The following CAMTA1 variants were observed in gnomAD, a reference collection of about 807,000 sequenced individuals.
The protein encoded by CAMTA1 is calmodulin-binding transcription activator 1.
CAMTA1 carries 27 observed loss-of-function variants against 170.9 expected under a neutral mutation model. That is an observed-to-expected ratio of 0.16 (90% CI 0.12 to 0.22). CAMTA1 has a LOEUF of 0.22. CAMTA1 is among the 10% of genes least tolerant of loss of function. CAMTA1 has a pLI of 1.00. For synonymous variants in CAMTA1, 833 were observed against 891.5 expected, an observed-to-expected ratio of 0.93 and a Z score of 1.17; for missense variants, 1,619 against 2,217.2, an observed-to-expected ratio of 0.73 and a Z score of 5.42.
At chr1:7,147,307 C>T (rs560989530) in intron 4 of CAMTA1, among the ~76,000 whole-genome samples, 2 of 149,388 alleles carry the variant, frequency 1.3e-5, no homozygotes, top group Admixed American at 6.6e-5. Flanking sequence ...ACCTATAGTC[C>T]CAGCTACTTG....
chr1:7,395,650 A>G lies in CAMTA1; in HGVS notation c.439-72180A>G, dbSNP rs181311652. On this transcript the variant is annotated intron_variant, in intron 5 of 22. Transcript: ENST00000303635. ...TTGATACAGGTTGCATCAAACCTAT[A>G]GATTGATTTGGGTAATGTGAACATT... Among the ~76,000 whole-genome samples, 1,418 of 152,348 alleles carry G rather than the reference A, an allele frequency of 9.3e-3. 26 individuals carry two copies. Among genetic ancestry groups the G allele is most frequent in the African/African-American group, 0.031 (1,283 of 41,570 alleles).
At chr1:7,424,184 G>C (rs2091747555) in intron 5 of CAMTA1, among the ~76,000 whole-genome samples, 1 of 152,076 alleles carries the variant, frequency 6.6e-6, no homozygotes, top group Admixed American at 6.5e-5. Flanking sequence ...TGCCCCTCAG[G>C]TGCAGCCATT....
Position 7,681,769 on chromosome 1 carries a change from CT to C in CAMTA1, c.2914+4037del. ...TGTGTAGATTTGGCCTCGCCTGTGCCTGTGTTTACAAAGAGAATAAACCCAG... is the reference window on the plus strand; with the variant it reads ...TGTGTAGATTTGGCCTCGCCTGTGCCGTGTTTACAAAGAGAATAAACCCAG... On this transcript the variant is annotated intron_variant, in intron 11 of 22. Transcript: ENST00000303635. This position sits in a 1 kb window ranked among gnomAD's most constrained non-coding sequence, Gnocchi z 4.6. Among the ~76,000 whole-genome samples, 1 of 147,798 alleles carries C rather than the reference CT, an allele frequency of 6.8e-6. No homozygotes were observed. The highest frequency in any genetic ancestry group is 2.5e-5 in the African/African-American group (1 of 40,062).
intron 21 of CAMTA1, among the ~76,000 whole-genome samples, chr1:7,754,008 G>A (rs1229544639): frequency 6.6e-6 from 1 of 152,160 alleles, no homozygotes; most frequent in East Asian, 1.9e-4. Flanking sequence ...TACTTAGCAG[G>A]GACTTAGGAC....
intron 16 of CAMTA1, 80 bp from the exon 17 acceptor site, chr1:7,744,755 A>G (rs1194868989): frequency 7.9e-7 from 1 of 1,260,118 alleles, no homozygotes; most frequent in Non-Finnish European, 1.1e-6. Flanking sequence ...TTTTCTCTCC[A>G]AGGCGAGGCA....
At chr1:7,070,922 G>A (rs958050360) in intron 3 of CAMTA1, among the ~76,000 whole-genome samples, 1 of 152,370 alleles carries the variant, frequency 6.6e-6, no homozygotes, top group South Asian at 2.1e-4. Context: ...GGGGAAGTGA[G>A]CTTTGGAAGA....
At chr1:7,172,305 AC>A (rs1318970527) in intron 4 of CAMTA1, among the ~76,000 whole-genome samples, 1 of 152,080 alleles carries the variant, frequency 6.6e-6, no homozygotes, top group African/African-American at 2.4e-5. Context: ...GCCTGCCACC[AC>A]GCCCAGCTAA....
intron 6 of CAMTA1, among the ~76,000 whole-genome samples, chr1:7,610,272 G>C (rs140987660): frequency 6.6e-6 from 1 of 152,340 alleles, no homozygotes; most frequent in East Asian, 1.9e-4. Context: ...TCTGGGTCCT[G>C]TTCTGTCCCT....
chr1:7,747,917 TTTA>T lies in CAMTA1; in HGVS notation c.4689+139_4689+141del. 11 of 571,430 alleles carry T rather than the reference TTTA, an allele frequency of 1.9e-5. No homozygotes were observed. The East Asian group carries it at 1.9e-4, about 10-fold the overall frequency. 35.4% of individuals were successfully genotyped at this position (571,430 alleles called of 1,614,324 possible). A position where few individuals can be genotyped will look rare whatever the true frequency, so the allele number is the denominator to read the frequency against. On this transcript the variant is annotated intron_variant, in intron 19 of 22. Coordinates refer to ENST00000303635, the MANE Select transcript of CAMTA1 (RefSeq NM_015215.4). ...TTTGTTTTTTGGTTGTTTTTTTTTT[TTTA>T]TTTTTTTTTTGAAACGGAGTCTGGC...
rs192800923 is a variant in CAMTA1 at position 7,341,558 on chromosome 1, G to C, written c.438+91932G>C. 1.4e-3 allele frequency among the ~76,000 whole-genome samples: 214 copies of C among 152,326 alleles called. 1 individual carries two copies. Among genetic ancestry groups the C allele is most frequent in the Non-Finnish European group, 1.8e-3 (123 of 68,030 alleles). ...CTGAATTGAGCTGTCACCCAGCCTG[G>C]AGCTGGCTCCCCTGCAAATGACGAC... On this transcript the variant is annotated intron_variant, in intron 5 of 22. Transcript: ENST00000303635.
chr1:7,515,121 C>T (rs1016472908), intron 6 of CAMTA1, among the ~76,000 whole-genome samples: 1 of 150,724 alleles, frequency 6.6e-6, no homozygotes, highest in Non-Finnish European at 1.5e-5. Context: ...TGGTCCTCCC[C>T]GGCTCCCTCC....
intron 3 of CAMTA1, among the ~76,000 whole-genome samples, chr1:7,026,415 C>T (rs570610031): frequency 2.6e-5 from 4 of 152,010 alleles, no homozygotes; most frequent in East Asian, 1.9e-4. Flanking sequence ...GTGGCAGCCC[C>T]GGTGGGAGAA....
chr1:6,785,479 C>A lies in CAMTA1; in HGVS notation c.-52C>A, dbSNP rs1187777626. On this transcript the variant is annotated 5_prime_UTR_variant, in exon 1 of 23. Coordinates refer to ENST00000303635, the MANE Select transcript of CAMTA1 (RefSeq NM_015215.4). ...GGCGGCGGGGTGGCTGGGCCGGCGG[C>A]GGCGGCGGTACGAGGCGCGCGCTCG... 3 of 1,008,126 alleles carry A rather than the reference C, an allele frequency of 3.0e-6. No homozygotes were observed. The highest frequency in any genetic ancestry group is 3.6e-6 in the Non-Finnish European group (3 of 839,322). The allele number at this position is 1,008,126 out of a possible 1,614,324, so 62.4% of individuals were successfully genotyped here.
At chr1:7,617,367 G>T (rs1415879099) in intron 6 of CAMTA1, among the ~76,000 whole-genome samples, 1 of 152,208 alleles carries the variant, frequency 6.6e-6, no homozygotes, top group Non-Finnish European at 1.5e-5. Context: ...GGACTTCAGG[G>T]TTCATCCACT....
Position 6,852,473 on chromosome 1 carries a change from C to T in CAMTA1, c.234+27263C>T, listed in dbSNP as rs74051014. Reference sequence around the variant, plus strand: ...GAAACCAATTGCAAGTCCAGGTCTCCGATATTTCTTACCGACTGCTATGAA... The same window carrying T: ...GAAACCAATTGCAAGTCCAGGTCTCTGATATTTCTTACCGACTGCTATGAA... On this transcript the variant is annotated intron_variant, in intron 3 of 22. Coordinates refer to ENST00000303635, the MANE Select transcript of CAMTA1 (RefSeq NM_015215.4). Among the ~76,000 whole-genome samples the T allele has an allele frequency of 9.1e-3, 1,386 of 152,242 alleles. 15 individuals carry two copies. Among genetic ancestry groups the T allele is most frequent in the African/African-American group, 0.031 (1,276 of 41,534 alleles).
chr1:7,082,117 C>T (rs1640095433), intron 3 of CAMTA1, among the ~76,000 whole-genome samples: 1 of 152,188 alleles, frequency 6.6e-6, no homozygotes, highest in Non-Finnish European at 1.5e-5. Flanking sequence ...TCTTCTCTAC[C>T]AGGCCACCAC....
intron 6 of CAMTA1, among the ~76,000 whole-genome samples, chr1:7,557,662 G>A (rs2094897833): frequency 6.6e-6 from 1 of 152,154 alleles, no homozygotes; most frequent in Non-Finnish European, 1.5e-5. Flanking sequence ...GCTCCCTTTT[G>A]CCCGTCAGTC....
At chr1:6,869,737 A>T (rs1667844637) in intron 3 of CAMTA1, among the ~76,000 whole-genome samples, 1 of 152,196 alleles carries the variant, frequency 6.6e-6, no homozygotes, top group Non-Finnish European at 1.5e-5. Context: ...ATTTTGTCAG[A>T]ACCACTAAGT....
intron 7 of CAMTA1, among the ~76,000 whole-genome samples, chr1:7,651,160 G>T (rs530040443): frequency 6.6e-6 from 1 of 152,294 alleles, no homozygotes; most frequent in Admixed American, 6.5e-5. Flanking sequence ...CTCCCAAGGT[G>T]ACCTGGCTTG....
Sources: allele counts gnomAD v4.1 joint callset (sites outside exome capture counted in the v4.1 genomes callset), GRCh38; gene constraint gnomAD v4.1.1; non-coding constraint Gnocchi (gnomAD v3.1); transcripts MANE v1.5; gene names NCBI Gene and HGNC (gene_info 2026-07-23, HGNC 2026-07-21).